The following MTREX variants were observed in gnomAD, a reference collection of about 807,000 sequenced individuals.
The protein encoded by MTREX is Mtr4 exosome RNA helicase.
Under a neutral mutation model 135.4 loss-of-function variants are expected in MTREX, and 76 were observed. The observed-to-expected ratio is 0.56, with a 90% CI of 0.47 to 0.68. MTREX has a LOEUF of 0.68. MTREX is among the 30% of genes least tolerant of loss of function. MTREX has a pLI of 0.00. For missense variants in MTREX, 920 were observed against 1,262.1 expected (o/e 0.73, Z 4.11); for synonymous variants, 404 against 401.6 (o/e 1.01, Z -0.07).
rs1207595979 is a variant in MTREX at position 55,366,882 on chromosome 5, A to G, written c.1810+7A>G. On this transcript the variant is annotated splice_region_variant and intron_variant, in intron 16 of 26. Coordinates refer to ENST00000230640, the MANE Select transcript of MTREX (RefSeq NM_015360.5). ...ATTCCAGGAGTAGTAGAGAGTAAGT[A>G]TAAAATACCATAACAGAGCTTAGTG... 2.5e-6 allele frequency: 4 copies of G among 1,590,218 alleles called. No homozygotes were observed. Among genetic ancestry groups the G allele is most frequent in the Middle Eastern group, 1.7e-4 (1 of 6,002 alleles).
At chr5:55,340,521 T>C (rs1749627358) in intron 6 of MTREX, among the ~76,000 whole-genome samples, 1 of 152,104 alleles carries the variant, frequency 6.6e-6, no homozygotes, top group African/African-American at 2.4e-5. Flanking sequence ...CTTCATTTCA[T>C]GTGACTTTGC....
In MTREX at chr5:55,343,350, A is replaced by G. The variant is rs761318485; in HGVS notation, c.801A>G (p.Glu267=). Residue 267 remains glutamate (E), a synonymous_variant, in exon 8 of 27, where the codon GAA becomes GAG. Transcript: ENST00000230640. ...TTTCAGAACGTGGTGTAGTATGGGA[A>G]GAAACTATTATTTTGCTTCCTGATA... ...MRDSERGVVW[E]ETIILLPDNV... 4 of 1,612,356 alleles carry G rather than the reference A, an allele frequency of 2.5e-6. No individual in the cohort carries two copies. Among genetic ancestry groups the G allele is most frequent in the Non-Finnish European group, 8.5e-7 (1 of 1,178,800 alleles).
intron 19 of MTREX, among the ~76,000 whole-genome samples, chr5:55,391,537 T>A (rs761422992): frequency 6.6e-6 from 1 of 152,056 alleles, no homozygotes; most frequent in Non-Finnish European, 1.5e-5. Flanking sequence ...TTCACATATG[T>A]CCCTAAATTA....
intron 24 of MTREX, 47 bp from the exon 25 acceptor site, chr5:55,415,923 A>AT: frequency 7.4e-7 from 1 of 1,347,886 alleles, no homozygotes; most frequent in Non-Finnish European, 1.0e-6. Context: ...GAATAAAGTG[A>AT]TATGGGAGAT....
intron 5 of MTREX, 96 bp from the exon 6 acceptor site, chr5:55,339,914 T>C: frequency 1.2e-6 from 1 of 832,124 alleles, no homozygotes; most frequent in Non-Finnish European, 1.7e-6. Context: ...AGATAAATAA[T>C]TAGGGAAAAT....
At chr5:55,357,839 G>A (rs1051713439) in intron 14 of MTREX, among the ~76,000 whole-genome samples, 1 of 152,160 alleles carries the variant, frequency 6.6e-6, no homozygotes, top group Non-Finnish European at 1.5e-5. Context: ...TATACAGGTG[G>A]CTTACTAACC....
At chr5:55,403,766 G>A (rs1219751940) in intron 21 of MTREX, among the ~76,000 whole-genome samples, 1 of 152,176 alleles carries the variant, frequency 6.6e-6, no homozygotes, top group East Asian at 1.9e-4. Flanking sequence ...ATGGCATTGT[G>A]ACTACACATC....
chr5:55,421,100 C>T (rs1017816994), intron 25 of MTREX, among the ~76,000 whole-genome samples: 9 of 151,992 alleles, frequency 5.9e-5, no homozygotes, highest in South Asian at 2.1e-4. Context: ...TGTTTTGTTT[C>T]GGTTTTGGTC....
chr5:55,396,673 C>G (rs1750651884), intron 19 of MTREX, among the ~76,000 whole-genome samples: 1 of 152,190 alleles, frequency 6.6e-6, no homozygotes. Context: ...ACACAACTAG[C>G]TGAAGACTGA....
chr5:55,395,032 CAA>C (rs1174300617), intron 19 of MTREX, among the ~76,000 whole-genome samples: 1 of 127,956 alleles, frequency 7.8e-6, no homozygotes, highest in Admixed American at 7.9e-5. Flanking sequence ...GAATCCATCT[CAA>C]AAAAAAAAAA....
intron 15 of MTREX, among the ~76,000 whole-genome samples, chr5:55,364,325 T>C (rs538848394): frequency 2.6e-5 from 4 of 152,190 alleles, no homozygotes; most frequent in Non-Finnish European, 5.9e-5. Context: ...TTTACCCTTT[T>C]CTTTAGAAAA....
chr5:55,421,471 A>T (rs1304906749), intron 25 of MTREX, among the ~76,000 whole-genome samples: 1 of 152,202 alleles, frequency 6.6e-6, no homozygotes, highest in African/African-American at 2.4e-5. Context: ...AGTTTCCAGA[A>T]ATTGAGTCGA....
rs1340909152 is a variant in MTREX, at chr5:55,424,866, A to G, written c.*94A>G. 4 of 819,696 alleles carry G rather than the reference A, an allele frequency of 4.9e-6. No homozygotes were observed. The highest frequency in any genetic ancestry group is 8.2e-6 in the Non-Finnish European group (4 of 489,720). 50.8% of individuals were successfully genotyped at this position (819,696 alleles called of 1,614,324 possible). On this transcript the variant is annotated 3_prime_UTR_variant, in exon 27 of 27. Coordinates refer to ENST00000230640, the MANE Select transcript of MTREX (RefSeq NM_015360.5). Reference sequence around the variant, plus strand: ...CTGCAAGTGTGGATTTGGTTCTCCCATACATTTTAATATGTATTATATTTA... The same window carrying G: ...CTGCAAGTGTGGATTTGGTTCTCCCGTACATTTTAATATGTATTATATTTA...
chr5:55,396,544 GA>G (rs1399808270), intron 19 of MTREX, among the ~76,000 whole-genome samples: 3 of 152,048 alleles, frequency 2.0e-5, no homozygotes, highest in Non-Finnish European at 2.9e-5. Context: ...TAACTAGAAA[GA>G]AAAAAACTGC....
Position 55,366,408 on chromosome 5 carries a change from C to T in MTREX, c.1660-317C>T, listed in dbSNP as rs888887308. On this transcript the variant is annotated intron_variant, in intron 15 of 26. Transcript: ENST00000230640. ...AGGAGGCTAAGACTGGAGGGTTGCT[C>T]GAGCCCAAGATTTCAAGGCTGCAGT... Among the ~76,000 whole-genome samples the T allele has an allele frequency of 2.0e-5, 3 of 152,052 alleles. No homozygotes were observed. The East Asian group carries it at 5.8e-4, about 29-fold the overall frequency.
chr5:55,425,298 A>T lies in MTREX; in HGVS notation c.*526A>T, dbSNP rs1281676678. On this transcript the variant is annotated 3_prime_UTR_variant, in exon 27 of 27. Coordinates refer to ENST00000230640, the MANE Select transcript of MTREX (RefSeq NM_015360.5). The stretch of plus-strand genomic sequence containing the variant: ...TCCTCCTCTTTTCTTTCTTTAAAAG[A>T]AGTTCTTTCTTTGAAGAAATCCGAT... 6.2e-7 allele frequency: 1 copy of T among 1,609,798 alleles called. No individual in the cohort carries two copies. The highest frequency in any genetic ancestry group is 1.1e-5 in the South Asian group (1 of 90,876).
intron 5 of MTREX, among the ~76,000 whole-genome samples, chr5:55,330,933 G>T (rs1402696562): frequency 6.6e-6 from 1 of 151,410 alleles, no homozygotes; most frequent in African/African-American, 2.4e-5. Context: ...GTGACTTCAG[G>T]TTTATTCACT....
At chr5:55,323,036 T>A (rs1162052403) in intron 2 of MTREX, among the ~76,000 whole-genome samples, 2 of 152,234 alleles carry the variant, frequency 1.3e-5, no homozygotes, top group East Asian at 3.9e-4. Context: ...TCCCTTCTAA[T>A]GTTCCATATT....
chr5:55,346,300 G>A (rs1179679759), intron 10 of MTREX, among the ~76,000 whole-genome samples: 1 of 152,142 alleles, frequency 6.6e-6, no homozygotes, highest in African/African-American at 2.4e-5. Flanking sequence ...ATGTGTGAGG[G>A]TTCCATTTTC....
Sources: gnomAD v4.1 joint callset for allele counts (sites outside exome capture counted in the v4.1 genomes callset) on GRCh38, gnomAD v4.1.1 for gene constraint, MANE v1.5 for transcripts, NCBI Gene and HGNC (gene_info 2026-07-23, HGNC 2026-07-21) for gene names.